DSCAML1: variants seen among roughly 807,000 people sequenced by gnomAD.
The protein encoded by DSCAML1 is DS cell adhesion molecule like 1.
DSCAML1 carries 38 observed loss-of-function variants against 200.5 expected under a neutral mutation model. That is an observed-to-expected ratio of 0.19 (90% confidence interval 0.15 to 0.25). DSCAML1 has a LOEUF of 0.25. Ranked by LOEUF, DSCAML1 falls within the 10% of genes least tolerant of loss-of-function variation. The pLI, the probability that DSCAML1 is intolerant of heterozygous loss-of-function variation, is 1.00. For missense variants in DSCAML1, 2,223 were observed against 2,858.8 expected, an observed-to-expected ratio of 0.78 and a Z score of 5.07; for synonymous variants, 1,215 against 1,165.0, an observed-to-expected ratio of 1.04 and a Z score of -0.87.
intron 3 of DSCAML1, among the ~76,000 whole-genome samples, chr11:117,561,665 C>G (rs778578460): frequency 7.9e-5 from 12 of 152,214 alleles, no homozygotes; most frequent in Non-Finnish European, 1.3e-4. Context: ...TACCCAGCCC[C>G]TAGGTTAACA....
intron 3 of DSCAML1, among the ~76,000 whole-genome samples, chr11:117,659,780 G>T (rs1219323358): frequency 3.3e-5 from 5 of 151,958 alleles, no homozygotes; most frequent in Admixed American, 3.3e-4. Flanking sequence ...GTGCAGTGGT[G>T]CAGTCTCAGC....
At chr11:117,666,313 G>C (rs1211340166) in intron 3 of DSCAML1, among the ~76,000 whole-genome samples, 1 of 152,184 alleles carries the variant, frequency 6.6e-6, no homozygotes, top group Non-Finnish European at 1.5e-5. Context: ...CACATGCAAA[G>C]AACCCACCCA....
At chr11:117,726,943 T>C (rs914762812) in intron 3 of DSCAML1, among the ~76,000 whole-genome samples, 5 of 152,096 alleles carry the variant, frequency 3.3e-5, no homozygotes, top group Non-Finnish European at 5.9e-5. Context: ...GCACGTAGCC[T>C]ACTGGGGCCA....
chr11:117,629,047 C>G (rs2052113991), intron 3 of DSCAML1, among the ~76,000 whole-genome samples: 1 of 152,050 alleles, frequency 6.6e-6, no homozygotes, highest in South Asian at 2.1e-4. Context: ...AGCCAGCAGG[C>G]CCTGAGCACG....
At chr11:117,441,295 C>G (rs560279662) in intron 21 of DSCAML1, among the ~76,000 whole-genome samples, 1 of 152,276 alleles carries the variant, frequency 6.6e-6, no homozygotes, top group East Asian at 1.9e-4. Flanking sequence ...CACAGTGCAG[C>G]CACAGCTGTA....
intron 3 of DSCAML1, among the ~76,000 whole-genome samples, chr11:117,663,284 C>T (rs1282888467): frequency 6.6e-6 from 1 of 152,194 alleles, no homozygotes; most frequent in African/African-American, 2.4e-5. Flanking sequence ...ACCTGGCCCT[C>T]CTACCTGGGT....
intron 3 of DSCAML1, among the ~76,000 whole-genome samples, chr11:117,577,253 G>C (rs2050948457): frequency 6.6e-6 from 1 of 152,124 alleles, no homozygotes; most frequent in South Asian, 2.1e-4. Context: ...ATCTTAGAAA[G>C]TATGGATGCC....
chr11:117,651,711 CAAAAAAAAA>C (rs1193144259), intron 3 of DSCAML1, among the ~76,000 whole-genome samples: 49 of 31,104 alleles, frequency 1.6e-3, no homozygotes, highest in African/African-American at 3.3e-3. Context: ...GACTCTGTCT[CAAAAAAAAA>C]AAAAAAAAAA....
chr11:117,762,138 A>C (rs1219403916), intron 3 of DSCAML1, among the ~76,000 whole-genome samples: 3 of 152,196 alleles, frequency 2.0e-5, no homozygotes, highest in Non-Finnish European at 2.9e-5. Flanking sequence ...CCTCATCTGA[A>C]CATAGTGATG....
chr11:117,502,018 C>T (rs1166030918), intron 11 of DSCAML1, among the ~76,000 whole-genome samples: 1 of 152,182 alleles, frequency 6.6e-6, no homozygotes, highest in Non-Finnish European at 1.5e-5. Context: ...AGGTTTTGTG[C>T]AGCATGTGTT....
intron 3 of DSCAML1, chr11:117,709,857 G>A (rs573669094): frequency 1.1e-5 from 5 of 445,716 alleles, no homozygotes; most frequent in African/African-American, 1.0e-4. Context: ...GACCCCTGAA[G>A]ATAAGACTGG....
intron 5 of DSCAML1, among the ~76,000 whole-genome samples, chr11:117,524,273 T>A (rs1286917051): frequency 6.6e-6 from 1 of 152,204 alleles, no homozygotes; most frequent in African/African-American, 2.4e-5. Context: ...CTGGCAGAGA[T>A]GATTTGCTTG....
chr11:117,656,735 C>A (rs536123539), intron 3 of DSCAML1, among the ~76,000 whole-genome samples: 23 of 152,314 alleles, frequency 1.5e-4, no homozygotes, highest in African/African-American at 5.5e-4. Flanking sequence ...TCTTAATCAA[C>A]ACACTGTGCA....
intron 1 of DSCAML1, among the ~76,000 whole-genome samples, chr11:117,789,051 C>G (rs935526963): frequency 6.6e-6 from 1 of 152,230 alleles, no homozygotes; most frequent in Non-Finnish European, 1.5e-5. Flanking sequence ...AAAAAACGCT[C>G]CCCATTTCCA....
At chr11:117,733,108 G>A (rs1420272006) in intron 3 of DSCAML1, among the ~76,000 whole-genome samples, 4 of 150,894 alleles carry the variant, frequency 2.7e-5, no homozygotes, top group African/African-American at 7.3e-5. Flanking sequence ...CCCAGAGCTC[G>A]GGGCAGAGGC....
intron 11 of DSCAML1, among the ~76,000 whole-genome samples, chr11:117,485,444 G>T (rs768089336): frequency 2.6e-5 from 4 of 152,190 alleles, no homozygotes; most frequent in African/African-American, 9.7e-5. Context: ...AGGGGAGCCC[G>T]TTCATGAGGA....
chr11:117,541,799 C>A (rs2050273916), intron 3 of DSCAML1, among the ~76,000 whole-genome samples: 1 of 152,158 alleles, frequency 6.6e-6, no homozygotes. Context: ...CATGGCAGGG[C>A]CCAGGGGGAA....
At chr11:117,578,211 GGCAACAAGA>G (rs1251258122) in intron 3 of DSCAML1, among the ~76,000 whole-genome samples, 1 of 129,658 alleles carries the variant, frequency 7.7e-6, no homozygotes, top group African/African-American at 2.9e-5. Context: ...TTCCAGCCTG[GGCAACAAGA>G]GCGAAACTCT....
At chr11:117,769,055 A>G (rs182151210) in intron 3 of DSCAML1, among the ~76,000 whole-genome samples, 776 of 28,238 alleles carry the variant, frequency 0.027, 6 homozygotes, top group African/African-American at 0.058. Flanking sequence ...GCAAGATTCC[A>G]TCTCAAAAAA....
Sources: gnomAD v4.1 joint callset for allele counts (sites outside exome capture counted in the v4.1 genomes callset) on GRCh38, gnomAD v4.1.1 for gene constraint, MANE v1.5 for transcripts, NCBI Gene and HGNC (gene_info 2026-07-23, HGNC 2026-07-21) for gene names.